The following SCN7A variants were observed in gnomAD, a reference collection of about 807,000 sequenced individuals.
SCN7A encodes the protein sodium channel protein type 7 subunit alpha.
In SCN7A, 138 loss-of-function variants were observed where a neutral mutation model predicts 155.2. The observed-to-expected ratio is 0.89, with a 90% CI of 0.77 to 1.02. The LOEUF (loss-of-function observed/expected upper bound fraction) is 1.02, where lower values mean the gene tolerates loss of function less well. Among genes scored for constraint, SCN7A ranks in the 50% least tolerant of loss-of-function variants. SCN7A has a pLI of 0.00. For synonymous variants in SCN7A, 693 were observed against 649.0 expected, an observed-to-expected ratio of 1.07 and a Z score of -1.03; for missense variants, 2,058 against 1,986.6, an observed-to-expected ratio of 1.04 and a Z score of -0.68.
intron 7 of SCN7A, among the ~76,000 whole-genome samples, chr2:166,467,232 C>T (rs1229972742): frequency 6.6e-6 from 1 of 151,724 alleles, no homozygotes; most frequent in Non-Finnish European, 1.5e-5. Flanking sequence ...AGAACTGGAA[C>T]ATTTTGAAAT....
At chr2:166,448,481 TC>T (rs1559110104) in intron 11 of SCN7A, among the ~76,000 whole-genome samples, 1 of 152,276 alleles carries the variant, frequency 6.6e-6, no homozygotes, top group East Asian at 1.9e-4. Context: ...TGCAGTGGGA[TC>T]CCTGGATGAT....
intron 7 of SCN7A, among the ~76,000 whole-genome samples, chr2:166,467,126 T>A (rs1445578719): frequency 2.0e-5 from 3 of 151,868 alleles, no homozygotes; most frequent in African/African-American, 7.2e-5. Flanking sequence ...AACTTCTGTG[T>A]CAAATATACT....
intron 11 of SCN7A, among the ~76,000 whole-genome samples, chr2:166,455,852 G>A (rs1702262446): frequency 6.6e-6 from 1 of 152,098 alleles, no homozygotes; most frequent in Non-Finnish European, 1.5e-5. Context: ...TACATTTATT[G>A]TTTTACTTAT....
rs201970179 is a variant in SCN7A at position 166,423,270 on chromosome 2, C to A, written c.3016G>T (p.Val1006Leu). ...FSNGWYRLDF[V>L]VVIVFCLSLI... The stretch of plus-strand genomic sequence containing the variant: ...TTTAAAATACGTACAATAACAACCA[C>A]GAAGTCCAGCCTGTACCAGCCATTA... Residue 1006 changes from valine to leucine, a missense_variant, in exon 19 of 26, where the codon GTG becomes TTG. Transcript: ENST00000643258. 6.2e-7 allele frequency: 1 copy of A among 1,600,788 alleles called. No individual in the cohort carries two copies. Among genetic ancestry groups the A allele is most frequent in the African/African-American group, 1.4e-5 (1 of 73,924 alleles).
intron 10 of SCN7A, 98 bp downstream of exon 10, chr2:166,462,291 C>A: frequency 7.8e-7 from 1 of 1,281,506 alleles, no homozygotes; most frequent in Non-Finnish European, 1.0e-6. Context: ...TTCTTCTGCA[C>A]ATAAAAATTT....
intron 1 of SCN7A, among the ~76,000 whole-genome samples, chr2:166,489,771 G>T (rs1289321183): frequency 6.6e-6 from 1 of 152,052 alleles, no homozygotes; most frequent in Non-Finnish European, 1.5e-5. Context: ...AGTCCAGTTT[G>T]GCTTCAGGTT....
intron 15 of SCN7A, among the ~76,000 whole-genome samples, chr2:166,440,275 T>G (rs1701930791): frequency 6.6e-6 from 1 of 152,202 alleles, no homozygotes; most frequent in African/African-American, 2.4e-5. Context: ...CATCAGCATA[T>G]TTTTATTAAT....
chr2:166,414,462 G>GATATATATATAT (rs373659814), intron 21 of SCN7A: 5 of 118,162 alleles, frequency 4.2e-5, no homozygotes, highest in African/African-American at 1.6e-4. Flanking sequence ...GAACTAATAG[G>GATATATATATAT]ATATATATAT....
At chr2:166,438,345 C>G (rs1254764003) in intron 15 of SCN7A, among the ~76,000 whole-genome samples, 2 of 152,092 alleles carry the variant, frequency 1.3e-5, no homozygotes, top group Non-Finnish European at 2.9e-5. Flanking sequence ...GAGGTCTTCA[C>G]CCTATGTAAA....
At chr2:166,460,425 A>C (rs189999279) in intron 10 of SCN7A, among the ~76,000 whole-genome samples, 1 of 152,262 alleles carries the variant, frequency 6.6e-6, no homozygotes, top group East Asian at 1.9e-4. Context: ...TAAGACAAAA[A>C]TACTTATTTT....
At chr2:166,454,866 C>T (rs894990797) in intron 11 of SCN7A, among the ~76,000 whole-genome samples, 2 of 152,084 alleles carry the variant, frequency 1.3e-5, no homozygotes, top group South Asian at 4.1e-4. Flanking sequence ...TTTTCGAAAA[C>T]TTCCTTAATG....
At position 166,477,716 on chromosome 2, in the gene SCN7A, A is replaced by C; in HGVS notation, c.-14-6T>G. The C allele has an allele frequency of 6.6e-7, 1 of 1,516,794 alleles. No homozygotes were observed. Among genetic ancestry groups the C allele is most frequent in the Non-Finnish European group, 8.8e-7 (1 of 1,134,262 alleles). The allele number at this position is 1,516,794 out of a possible 1,614,324, so 94.0% of individuals were successfully genotyped here. A position where few individuals can be genotyped will look rare whatever the true frequency, so the allele number is the denominator to read the frequency against. On this transcript the variant is annotated splice_region_variant and splice_polypyrimidine_tract_variant and intron_variant, in intron 2 of 25. Transcript: ENST00000643258. ...CAACATTTCCAATTTTGTACCTGCA[A>C]AAAATTCTGTATTAAAGTTGGGTAT...
intron 5 of SCN7A, among the ~76,000 whole-genome samples, chr2:166,473,241 T>A (rs1245244563): frequency 6.6e-6 from 1 of 151,740 alleles, no homozygotes; most frequent in Non-Finnish European, 1.5e-5. Context: ...TTATACATTA[T>A]GTAGGTAAAT....
At position 166,406,302 on chromosome 2, in the gene SCN7A, T is replaced by C. The variant is rs199554214; in HGVS notation, c.4327A>G (p.Ile1443Val). ...FAGWDGMLDAIFNSKWSDCDP... is the reference protein window; with the variant it reads ...FAGWDGMLDAVFNSKWSDCDP... ...CAGTCAGACCATTTACTGTTGAAAA[T>C]TGCATCAAGCATCCCATCCCAACCA... Residue 1443 changes from isoleucine (I) to valine (V), a missense_variant, in exon 26 of 26, where the codon ATT (isoleucine) becomes GTT (valine). Coordinates refer to ENST00000643258, the MANE Select transcript of SCN7A (RefSeq NM_002976.4). The C allele has an allele frequency of 6.2e-7, 1 of 1,613,020 alleles. No homozygotes were observed. The highest frequency in any genetic ancestry group is 1.3e-5 in the African/African-American group (1 of 74,932).
chr2:166,472,442 A>G lies in SCN7A; in HGVS notation c.447T>C (p.Asn149=). The change falls in exon 6 of 26, where the codon AAT becomes AAC. Residue 149 remains asparagine (N), a synonymous_variant. Coordinates refer to ENST00000643258, the MANE Select transcript of SCN7A (RefSeq NM_002976.4). ...CAAATGTGTAAATTCCAAGCAAAGT[A>G]TTCCTGCAGAAATTTTTTCATATAA... ...NLPKWRPVLE[N]TLLGIYTFEI... is the part of the protein sequence containing the mutation. The G allele has an allele frequency of 6.3e-7, 1 of 1,594,110 alleles. No individual in the cohort carries two copies. Among genetic ancestry groups the G allele is most frequent in the Non-Finnish European group, 8.6e-7 (1 of 1,167,216 alleles).
Position 166,406,222 on chromosome 2 carries a change from G to A in SCN7A, c.4407C>T (p.Pro1469=), listed in dbSNP as rs763007619. 3 of 1,613,100 alleles carry A rather than the reference G, an allele frequency of 1.9e-6. No homozygotes were observed. The highest frequency in any genetic ancestry group is 2.5e-6 in the Non-Finnish European group (3 of 1,179,528). ...GTQVRGDCGN[P]SVGIFYFVSY... is the part of the protein sequence containing the mutation. ...TGACAAAATAAAAAATCCCAACAGA[G>A]GGGTTCCCACAATCTCCTCTAACTT... Residue 1469 remains proline (P), a synonymous_variant, in exon 26 of 26, where the codon CCC becomes CCT. Transcript: ENST00000643258.
chr2:166,405,558 T>TG lies in SCN7A; in HGVS notation c.*21dup. The TG allele has an allele frequency of 6.8e-7, 1 of 1,474,958 alleles. No homozygotes were observed. Among genetic ancestry groups the TG allele is most frequent in the East Asian group, 2.3e-5 (1 of 43,674 alleles). 91.4% of individuals were successfully genotyped at this position (1,474,958 alleles called of 1,614,324 possible). A position where few individuals can be genotyped will look rare whatever the true frequency, so the allele number is the denominator to read the frequency against. ...CATTTTTCAGATATGTGAAGAAATA[T>TG]GAAAAGAGGTGGTAAGTGGTATTAG... On this transcript the variant is annotated 3_prime_UTR_variant, in exon 26 of 26. Coordinates refer to ENST00000643258, the MANE Select transcript of SCN7A (RefSeq NM_002976.4).
At position 166,412,559 on chromosome 2, in the gene SCN7A, T is replaced by C; in HGVS notation, c.3577A>G (p.Ile1193Val). 6.7e-7 allele frequency: 1 copy of C among 1,492,156 alleles called. No individual in the cohort carries two copies. The highest frequency in any genetic ancestry group is 8.9e-7 in the Non-Finnish European group (1 of 1,126,220). 92.4% of individuals were successfully genotyped at this position (1,492,156 alleles called of 1,614,324 possible). A position where few individuals can be genotyped will look rare whatever the true frequency, so the allele number is the denominator to read the frequency against. ...ATTTTATGCTTGTTGAAATTATCAA[T>C]AATAACAGTAATCAGCATACTCAGA... ...LPLSMLITVIIDNFNKHKIKL... is the reference protein window; with the variant it reads ...LPLSMLITVIVDNFNKHKIKL... The change falls in exon 23 of 26, where the codon ATT becomes GTT. Residue 1193 changes from isoleucine (I) to valine (V), a missense_variant. By Grantham distance (29) the Ile-to-Val change is conservative. Transcript: ENST00000643258.
intron 16 of SCN7A, among the ~76,000 whole-genome samples, 192 bp downstream of exon 16, chr2:166,432,126 G>GA (rs1406831841): frequency 1.3e-5 from 2 of 151,966 alleles, no homozygotes. Context: ...TTAAATATGA[G>GA]AAAACTGAAG....
Sources: gnomAD v4.1 joint callset for allele counts (sites outside exome capture counted in the v4.1 genomes callset) on GRCh38, gnomAD v4.1.1 for gene constraint, MANE v1.5 for transcripts, NCBI Gene and HGNC (gene_info 2026-07-23, HGNC 2026-07-21) for gene names.